Variants in ITIH5 observed in about 807,000 individuals in gnomAD.
ITIH5 encodes inter-alpha-trypsin inhibitor heavy chain H5.
Under a neutral mutation model 77.5 loss-of-function variants are expected in ITIH5, and 65 were observed. That is an observed-to-expected ratio of 0.84 (90% CI 0.69 to 1.03). The LOEUF is 1.03. ITIH5 is among the 50% of genes least tolerant of loss of function. The pLI, the probability that ITIH5 is intolerant of heterozygous loss-of-function variation, is 0.00. For synonymous variants in ITIH5, 525 were observed against 494.3 expected (o/e 1.06, Z -0.82); for missense variants, 1,208 against 1,213.1 (o/e 1.00, Z 0.06).
intron 8 of ITIH5, among the ~76,000 whole-genome samples, chr10:7,581,153 G>A (rs566049629): frequency 3.3e-5 from 5 of 152,216 alleles, no homozygotes; most frequent in East Asian, 1.9e-4. Flanking sequence ...CCAGCTACTC[G>A]GATGGCTAAG....
At chr10:7,608,688 G>A (rs186942769) in intron 7 of ITIH5, among the ~76,000 whole-genome samples, 5 of 152,246 alleles carry the variant, frequency 3.3e-5, no homozygotes, top group East Asian at 3.9e-4. Context: ...CAGCTTGCCC[G>A]AGCCACTTTG....
intron 1 of ITIH5, among the ~76,000 whole-genome samples, chr10:7,660,601 G>A (rs541771577): frequency 1.6e-4 from 25 of 152,250 alleles, no homozygotes; most frequent in Middle Eastern, 3.4e-3. Flanking sequence ...TGCCAGTGCC[G>A]CTTAAATGTT....
At position 7,579,247 on chromosome 10, in the gene ITIH5, C is replaced by T. The variant is rs73617548; in HGVS notation, c.1418+508G>A. ...ACTGTCTTAAAATCTTGCTTAGGGCCGGGTGTGGTGGCTCACGCCCATAAT... is the reference window on the plus strand; with the variant it reads ...ACTGTCTTAAAATCTTGCTTAGGGCTGGGTGTGGTGGCTCACGCCCATAAT... On this transcript the variant is annotated intron_variant, in intron 9 of 13. Transcript: ENST00000397146. Among the ~76,000 whole-genome samples, 571 of 152,308 alleles carry T rather than the reference C, an allele frequency of 3.7e-3. 4 individuals carry two copies. The highest frequency in any genetic ancestry group is 0.013 in the African/African-American group (546 of 41,570).
intron 2 of ITIH5, among the ~76,000 whole-genome samples, chr10:7,648,627 C>T (rs1258872556): frequency 1.3e-5 from 2 of 152,234 alleles, no homozygotes; most frequent in Non-Finnish European, 2.9e-5. Context: ...TTAGCTCCTT[C>T]TGCTAATAGT....
chr10:7,588,203 G>A (rs1832720886), intron 7 of ITIH5, among the ~76,000 whole-genome samples: 1 of 152,176 alleles, frequency 6.6e-6, no homozygotes, highest in Non-Finnish European at 1.5e-5. Flanking sequence ...GGCCAACATG[G>A]CAAAACCTCA....
rs372148281 is a variant in ITIH5 at position 7,590,955 on chromosome 10, G to A, written c.940-4886C>T. 5.9e-5 allele frequency among the ~76,000 whole-genome samples: 9 copies of A among 152,264 alleles called. No individual in the cohort carries two copies. In the East Asian group the frequency reaches 7.7e-4, roughly 13 times the overall value. ...CTCTGTCACCAGGCTGGAGTGCAGC[G>A]GCGCGGTATCCACTCACTGCAACCT... On this transcript the variant is annotated intron_variant, in intron 7 of 13. Transcript: ENST00000397146.
chr10:7,579,086 G>A (rs1045285700), intron 9 of ITIH5, among the ~76,000 whole-genome samples: 1 of 152,224 alleles, frequency 6.6e-6, no homozygotes, highest in Non-Finnish European at 1.5e-5. Context: ...AATGAACTAT[G>A]AGAGCTCATT....
At chr10:7,597,938 A>G (rs1398754715) in intron 7 of ITIH5, among the ~76,000 whole-genome samples, 1 of 152,056 alleles carries the variant, frequency 6.6e-6, no homozygotes, top group Non-Finnish European at 1.5e-5. Context: ...CTTAGGAGTA[A>G]GGCAATAAAT....
At chr10:7,596,971 A>T (rs1477598805) in intron 7 of ITIH5, among the ~76,000 whole-genome samples, 1 of 141,042 alleles carries the variant, frequency 7.1e-6, no homozygotes, top group Non-Finnish European at 1.5e-5. Flanking sequence ...GCATGAAACC[A>T]GGAGGTGGAG....
chr10:7,619,365 G>T (rs1564263795), intron 5 of ITIH5: 1 of 152,734 alleles, frequency 6.5e-6, no homozygotes. Flanking sequence ...AAGTTACTCG[G>T]CCTTGGTTAT....
intron 7 of ITIH5, among the ~76,000 whole-genome samples, chr10:7,601,400 T>C (rs1170198247): frequency 6.6e-6 from 1 of 152,136 alleles, no homozygotes; most frequent in African/African-American, 2.4e-5. Flanking sequence ...AAGCAAATCT[T>C]CCAGAGCCAA....
chr10:7,643,794 T>A (rs1418980949), intron 2 of ITIH5, among the ~76,000 whole-genome samples: 2 of 152,218 alleles, frequency 1.3e-5, no homozygotes, highest in Non-Finnish European at 2.9e-5. Flanking sequence ...ACAAAGATCA[T>A]CACAAACCTT....
chr10:7,663,788 G>T (rs1834317365), intron 1 of ITIH5, among the ~76,000 whole-genome samples: 1 of 152,148 alleles, frequency 6.6e-6, no homozygotes, highest in Non-Finnish European at 1.5e-5. Flanking sequence ...AAGTGATGGG[G>T]TCCAGATATG....
intron 12 of ITIH5, among the ~76,000 whole-genome samples, chr10:7,567,320 T>TTATTATTATTAC (rs1554746958): frequency 7.8e-4 from 4 of 5,126 alleles, no homozygotes; most frequent in Admixed American, 1.5e-3. Context: ...CGGACATCTT[T>TTATTATTATTAC]TATTATTATT....
chr10:7,595,706 A>G (rs1291016913), intron 7 of ITIH5, among the ~76,000 whole-genome samples: 2 of 152,206 alleles, frequency 1.3e-5, no homozygotes, highest in African/African-American at 2.4e-5. Flanking sequence ...ACAAGGCAGG[A>G]CATAAATATA....
At chr10:7,608,560 G>C (rs1028813127) in intron 7 of ITIH5, among the ~76,000 whole-genome samples, 1 of 152,202 alleles carries the variant, frequency 6.6e-6, no homozygotes, top group Admixed American at 6.5e-5. Flanking sequence ...TGGGATTACA[G>C]GCATGAGCCA....
intron 1 of ITIH5, among the ~76,000 whole-genome samples, chr10:7,663,049 C>T (rs1384430127): frequency 6.6e-6 from 1 of 152,210 alleles, no homozygotes; most frequent in Non-Finnish European, 1.5e-5. Flanking sequence ...TATTGCACAT[C>T]ACCTATGTGC....
intron 2 of ITIH5, among the ~76,000 whole-genome samples, chr10:7,647,087 A>G (rs1004875820): frequency 2.6e-5 from 4 of 152,236 alleles, no homozygotes; most frequent in Admixed American, 2.0e-4. Context: ...ATTACATTTT[A>G]TGGATGCATT....
At position 7,559,946 on chromosome 10, in the gene ITIH5, G is replaced by C. The variant is rs1393709470; in HGVS notation, c.*3137C>G. The C allele has an allele frequency of 2.3e-6, 1 of 428,834 alleles. No homozygotes were observed. The allele number at this position is 428,834 out of a possible 1,614,324, so 26.6% of individuals were successfully genotyped here. ...GGCTCACTACAAGTTCCGACTGCCT[G>C]GTTCAAGCGATTCTCCTGCCTCAGC... On this transcript the variant is annotated 3_prime_UTR_variant, in exon 14 of 14. Transcript: ENST00000397146.
Sources: allele counts gnomAD v4.1 joint callset (sites outside exome capture counted in the v4.1 genomes callset), GRCh38; gene constraint gnomAD v4.1.1; transcripts MANE v1.5; gene names NCBI Gene and HGNC (gene_info 2026-07-23, HGNC 2026-07-21).